Variants in EPC1 observed in about 807,000 individuals in gnomAD.
EPC1 encodes the protein enhancer of polycomb 1, also known as enhancer of polycomb homolog 1.
EPC1 carries 12 observed loss-of-function variants against 98.4 expected under a neutral mutation model. The observed-to-expected ratio is 0.12, with a 90% CI of 0.08 to 0.20. The LOEUF (loss-of-function observed/expected upper bound fraction) is 0.20, where lower values mean the gene tolerates loss of function less well. EPC1 is among the 10% of genes least tolerant of loss of function. EPC1 has a pLI of 1.00. For missense variants in EPC1, 729 were observed against 990.5 expected, an observed-to-expected ratio of 0.74 and a Z score of 3.54; for synonymous variants, 357 against 363.9, an observed-to-expected ratio of 0.98 and a Z score of 0.21.
intron 1 of EPC1, among the ~76,000 whole-genome samples, chr10:32,319,969 G>C (rs56677790): frequency 6.6e-6 from 1 of 152,060 alleles, no homozygotes; most frequent in East Asian, 1.9e-4. Flanking sequence ...GTGAGCCACC[G>C]TGCCCAGCCG....
At chr10:32,302,158 A>G (rs1835588455) in intron 2 of EPC1, among the ~76,000 whole-genome samples, 1 of 152,024 alleles carries the variant, frequency 6.6e-6, no homozygotes, top group African/African-American at 2.4e-5. Context: ...CTGTGGTCCC[A>G]GCTACTCGGG....
intron 1 of EPC1, among the ~76,000 whole-genome samples, chr10:32,366,623 C>T (rs1373166851): frequency 6.6e-6 from 1 of 151,812 alleles, no homozygotes; most frequent in African/African-American, 2.4e-5. Context: ...TTTTTTTTGG[C>T]CATTTATAGT....
chr10:32,353,430 A>G (rs1176149849), intron 1 of EPC1, among the ~76,000 whole-genome samples: 1 of 152,214 alleles, frequency 6.6e-6, no homozygotes, highest in East Asian at 1.9e-4. Flanking sequence ...GCCAGGCAGG[A>G]AAGAATGACA....
rs771864906 is a variant in EPC1 at position 32,271,852 on chromosome 10, T to C, written c.2071A>G (p.Thr691Ala). 7 of 1,614,136 alleles carry C rather than the reference T, an allele frequency of 4.3e-6. No individual in the cohort carries two copies. The highest frequency in any genetic ancestry group is 8.5e-7 in the Non-Finnish European group (1 of 1,180,010). Reference protein sequence around the residue: ...PTALVHTSPSTAGSALLQPSN... With the variant: ...PTALVHTSPSAAGSALLQPSN... ...GGCTGTAACAAAGCTGAACCTGCCGTTGATGGACTTGTATGTACAAGTGCT... is the reference window on the plus strand; with the variant it reads ...GGCTGTAACAAAGCTGAACCTGCCGCTGATGGACTTGTATGTACAAGTGCT... The change falls in exon 13 of 14, where the codon ACG becomes GCG. Residue 691 changes from threonine to alanine, a missense_variant. Thr to Ala is a moderately conservative substitution (Grantham distance 58, BLOSUM62 0). Transcript: ENST00000319778.
chr10:32,274,283 T>C (rs1305645782), intron 10 of EPC1, among the ~76,000 whole-genome samples: 1 of 152,154 alleles, frequency 6.6e-6, no homozygotes, highest in African/African-American at 2.4e-5. Flanking sequence ...ATCATGCACA[T>C]TTCCTCAATC....
intron 2 of EPC1, among the ~76,000 whole-genome samples, chr10:32,301,476 C>T (rs1484840349): frequency 1.3e-5 from 2 of 152,056 alleles, no homozygotes; most frequent in Middle Eastern, 3.2e-3. Flanking sequence ...AATATCAAAA[C>T]GATCTTGAAA....
intron 2 of EPC1, 110 bp downstream of exon 2, chr10:32,305,662 G>T (rs1835835908): frequency 8.9e-6 from 7 of 790,928 alleles, no homozygotes; most frequent in South Asian, 8.8e-5. Context: ...TTAAGCTGAT[G>T]CTGGTCAATG....
chr10:32,351,711 T>G (rs796579785), upstream of EPC1, among the ~76,000 whole-genome samples: 13 of 150,698 alleles, frequency 8.6e-5, no homozygotes, highest in African/African-American at 3.2e-4. Context: ...TTTTATTCAT[T>G]CTTTTGATTA....
chr10:32,292,834 T>C (rs1834928071), intron 4 of EPC1, among the ~76,000 whole-genome samples, 154 bp downstream of exon 4: 1 of 152,252 alleles, frequency 6.6e-6, no homozygotes, highest in Admixed American at 6.5e-5. Context: ...ATAACATTAA[T>C]AGCTGCATAA....
At chr10:32,306,640 G>C (rs1300767461) in intron 1 of EPC1, among the ~76,000 whole-genome samples, 2 of 152,138 alleles carry the variant, frequency 1.3e-5, no homozygotes, top group African/African-American at 4.8e-5. Flanking sequence ...GAGAAAAAAA[G>C]AATCTACTGT....
chr10:32,361,633 C>A (rs372869328), intron 1 of EPC1, among the ~76,000 whole-genome samples: 2 of 152,130 alleles, frequency 1.3e-5, no homozygotes, highest in Admixed American at 6.5e-5. Flanking sequence ...CAGACACCCC[C>A]TATGGGGCAA....
chr10:32,346,036 C>A (rs961840271), intron 1 of EPC1, among the ~76,000 whole-genome samples: 1 of 152,206 alleles, frequency 6.6e-6, no homozygotes, highest in Admixed American at 6.5e-5. Context: ...CTCCGACCAA[C>A]TAGCTCTGGA....
At chr10:32,345,378 A>C in intron 1 of EPC1, 1 of 985,430 alleles carries the variant, frequency 1.0e-6, no homozygotes, top group African/African-American at 1.7e-5. Context: ...CAACCCAAAG[A>C]GTTTAAACAG....
At chr10:32,302,960 T>C (rs1297071229) in intron 2 of EPC1, among the ~76,000 whole-genome samples, 2 of 152,062 alleles carry the variant, frequency 1.3e-5, no homozygotes, top group South Asian at 2.1e-4. Flanking sequence ...AAACTAAAAA[T>C]GGATGAACCC....
At chr10:32,270,546 C>T (rs1378259371) in intron 13 of EPC1, among the ~76,000 whole-genome samples, 4 of 152,046 alleles carry the variant, frequency 2.6e-5, no homozygotes, top group African/African-American at 4.8e-5. Flanking sequence ...AGCTTAACGC[C>T]GGGCGTGGTG....
intron 1 of EPC1, among the ~76,000 whole-genome samples, chr10:32,367,858 C>G (rs1409565470): frequency 6.6e-6 from 1 of 152,224 alleles, no homozygotes; most frequent in African/African-American, 2.4e-5. Context: ...CGTCTTTTCT[C>G]TGTCATTTTC....
At chr10:32,327,411 G>A (rs944474808) in intron 1 of EPC1, among the ~76,000 whole-genome samples, 4 of 152,098 alleles carry the variant, frequency 2.6e-5, no homozygotes, top group Non-Finnish European at 5.9e-5. Context: ...TATTGCTAAC[G>A]ACAGCACATT....
chr10:32,312,412 T>G (rs1836292735), intron 1 of EPC1, among the ~76,000 whole-genome samples: 1 of 152,210 alleles, frequency 6.6e-6, no homozygotes, highest in African/African-American at 2.4e-5. Context: ...TTTAAATACT[T>G]TTAAAGAAAA....
At chr10:32,287,423 A>G (rs956714523) in intron 6 of EPC1, 149 bp from the exon 7 acceptor site, 3 of 774,582 alleles carry the variant, frequency 3.9e-6, no homozygotes, top group African/African-American at 3.5e-5. Flanking sequence ...GCCATCTTAT[A>G]GTGTAAAGTC....
Sources: allele counts gnomAD v4.1 joint callset (sites outside exome capture counted in the v4.1 genomes callset), GRCh38; gene constraint gnomAD v4.1.1; transcripts MANE v1.5; gene names NCBI Gene and HGNC (gene_info 2026-07-23, HGNC 2026-07-21).